Variants in CENPF observed in about 807,000 individuals in gnomAD.
The protein encoded by CENPF is centromere protein F.
CENPF carries 214 observed loss-of-function variants against 307.3 expected under a neutral mutation model. That is an observed-to-expected ratio of 0.70 (90% CI 0.62 to 0.78). The LOEUF (loss-of-function observed/expected upper bound fraction) is 0.78. Ranked by LOEUF, CENPF falls within the 30% of genes least tolerant of loss-of-function variation. CENPF has a pLI of 0.00. For synonymous variants in CENPF, 1,259 were observed against 1,270.6 expected, an observed-to-expected ratio of 0.99 and a Z score of 0.19; for missense variants, 3,401 against 3,483.9, an observed-to-expected ratio of 0.98 and a Z score of 0.60.
At chr1:214,608,312 A>G in intron 1 of CENPF, 2 of 1,588,972 alleles carry the variant, frequency 1.3e-6, no homozygotes, top group Non-Finnish European at 1.7e-6. Flanking sequence ...GGTTGCCCTC[A>G]CCTGGTGCGC....
chr1:214,646,413 T>G lies in CENPF; in HGVS notation c.6843T>G (p.Ile2281Met). 1 of 1,613,932 alleles carries G rather than the reference T, an allele frequency of 6.2e-7. No homozygotes were observed. Among genetic ancestry groups the G allele is most frequent in the South Asian group, 1.1e-5 (1 of 91,074 alleles). The change falls in exon 13 of 20, where the codon ATT (isoleucine) becomes ATG (methionine). Residue 2281 changes from isoleucine to methionine, a missense_variant. Transcript: ENST00000366955. Reference sequence around the variant, plus strand: ...CAGCCTTGTGTGGTGACCAAGAAATTATGAAGGCCACAGAACAGAGTCTAG... The same window carrying G: ...CAGCCTTGTGTGGTGACCAAGAAATGATGAAGGCCACAGAACAGAGTCTAG... ...AVAALCGDQE[I>M]MKATEQSLDP...
intron 2 of CENPF, 28 bp from the exon 3 acceptor site, chr1:214,614,803 GT>G (rs1657290997): frequency 6.9e-7 from 1 of 1,447,466 alleles, no homozygotes; most frequent in South Asian, 1.4e-5. Context: ...AAATAAGGGA[GT>G]TATTGTCTTC....
rs761921091 is a variant in CENPF, at chr1:214,657,413, T to C, written c.8962+4T>C. The C allele has an allele frequency of 3.2e-6, 5 of 1,577,622 alleles. No individual in the cohort carries two copies. In the South Asian group the frequency reaches 5.6e-5, roughly 18 times the overall value. Reference sequence around the variant, plus strand: ...CTTCCAGAAGTTGTAAAGAAAGGTATGCCTAATTTAAAGACAAAATTATTT... The same window carrying C: ...CTTCCAGAAGTTGTAAAGAAAGGTACGCCTAATTTAAAGACAAAATTATTT... On this transcript the variant is annotated splice_donor_region_variant and intron_variant, in intron 18 of 19. Coordinates refer to ENST00000366955, the MANE Select transcript of CENPF (RefSeq NM_016343.4).
chr1:214,651,612 TA>T (rs1244958666), intron 14 of CENPF, 97 bp from the exon 15 acceptor site: 3 of 832,838 alleles, frequency 3.6e-6, no homozygotes, highest in East Asian at 5.2e-5. Context: ...TGCCCATAAA[TA>T]TTTTTTTTCT....
chr1:214,644,661 T>G lies in CENPF; in HGVS notation c.5091T>G (p.Asp1697Glu), dbSNP rs753299810. The G allele has an allele frequency of 8.7e-6, 14 of 1,614,080 alleles. No individual in the cohort carries two copies. The highest frequency in any genetic ancestry group is 1.1e-5 in the South Asian group (1 of 91,070). ...ATGTTCATCAGATTTGTGATAAAGA[T>G]GCTCAGCAGGACCTCAATCTAGACA... is the stretch of plus-strand genomic sequence containing the variant. ...KHDVHQICDK[D>E]AQQDLNLDIE... Residue 1697 changes from aspartate (D) to glutamate (E), a missense_variant, in exon 13 of 20, where the codon GAT becomes GAG. Physicochemically the swap from Asp to Glu is conservative, Grantham distance 45. Transcript: ENST00000366955.
intron 1 of CENPF, chr1:214,605,472 A>T: frequency 7.9e-6 from 4 of 505,044 alleles, no homozygotes; most frequent in Non-Finnish European, 1.1e-5. Context: ...TTAAATCTTT[A>T]ATTTCTGTTT....
At chr1:214,626,654 A>T (rs1312687018) in intron 7 of CENPF, among the ~76,000 whole-genome samples, 1 of 152,144 alleles carries the variant, frequency 6.6e-6, no homozygotes, top group Non-Finnish European at 1.5e-5. Flanking sequence ...TTTTTGAGTT[A>T]TTTAATGAAC....
chr1:214,649,940 A>G (rs892096062), intron 14 of CENPF, among the ~76,000 whole-genome samples: 1 of 152,252 alleles, frequency 6.6e-6, no homozygotes, highest in Non-Finnish European at 1.5e-5. Context: ...CTATTGAACC[A>G]TACCTATCCT....
intron 1 of CENPF, chr1:214,608,964 C>G: frequency 1.0e-6 from 1 of 962,406 alleles, no homozygotes; most frequent in African/African-American, 1.8e-5. Context: ...GCCCCCCCAG[C>G]TACGGCCCCA....
intron 12 of CENPF, 95 bp from the exon 13 acceptor site, chr1:214,644,462 C>T: frequency 1.7e-6 from 2 of 1,146,850 alleles, no homozygotes; most frequent in Non-Finnish European, 2.4e-6. Flanking sequence ...TAGCAGAGGC[C>T]ACGCATCAGT....
intron 3 of CENPF, among the ~76,000 whole-genome samples, chr1:214,618,072 A>T (rs1365341768): frequency 6.6e-6 from 1 of 152,182 alleles, no homozygotes; most frequent in Non-Finnish European, 1.5e-5. Context: ...GGTGGCAGGA[A>T]GGAGAAGAAT....
At chr1:214,643,442 G>A in intron 12 of CENPF, 118 bp downstream of exon 12, 9 of 946,738 alleles carry the variant, frequency 9.5e-6, no homozygotes, top group Non-Finnish European at 1.0e-5. Context: ...TAGGGTTCAA[G>A]GAAATAAAAT....
chr1:214,605,660 C>A (rs191490984), intron 1 of CENPF: 7 of 1,562,876 alleles, frequency 4.5e-6, no homozygotes, highest in Non-Finnish European at 5.2e-6. Context: ...GAGGTCTGGC[C>A]GGTTGGTGCC....
chr1:214,646,467 G>A lies in CENPF; in HGVS notation c.6897G>A (p.Leu2299=). 7 of 1,614,128 alleles carry A rather than the reference G, an allele frequency of 4.3e-6. No homozygotes were observed. The highest frequency in any genetic ancestry group is 5.9e-6 in the Non-Finnish European group (7 of 1,180,020). The change falls in exon 13 of 20, where the codon CTG becomes CTA. Residue 2299 remains leucine (L), a synonymous_variant. Transcript: ENST00000366955. ...LDPPIEEEHQ[L]RNSIEKLRAR... is the part of the protein sequence containing the mutation. ...CACCAATAGAGGAAGAGCATCAGCT[G>A]AGAAATAGCATTGAAAAGCTGAGAG... is the stretch of plus-strand genomic sequence containing the variant.
intron 17 of CENPF, among the ~76,000 whole-genome samples, chr1:214,655,937 A>G (rs922277620): frequency 6.6e-6 from 1 of 152,218 alleles, no homozygotes; most frequent in African/African-American, 2.4e-5. Flanking sequence ...TCCATTCTAT[A>G]AAACATGGAA....
At chr1:214,628,979 C>T in intron 7 of CENPF, 67 bp from the exon 8 acceptor site, 1 of 1,265,080 alleles carries the variant, frequency 7.9e-7, no homozygotes, top group Non-Finnish European at 1.1e-6. Context: ...TTTTCTAAAA[C>T]ACAAAATATT....
intron 7 of CENPF, among the ~76,000 whole-genome samples, chr1:214,624,031 C>A (rs1405064652): frequency 7.0e-6 from 1 of 143,304 alleles, no homozygotes. Context: ...ATCGTAGATT[C>A]ATATGCAGTT....
In CENPF at chr1:214,647,269, C is replaced by A. The variant is rs765700834; in HGVS notation, c.7699C>A (p.Gln2567Lys). The change falls in exon 13 of 20, where the codon CAG (glutamine) becomes AAG (lysine). Residue 2567 changes from glutamine to lysine, a missense_variant. Transcript: ENST00000366955. ...ELRNLTVELE[Q>K]KIQVLQSKNA... ...GAGAAATCTGACAGTGGAATTGGAG[C>A]AGAAGATCCAAGTGCTACAATCCAA... 6.2e-7 allele frequency: 1 copy of A among 1,614,046 alleles called. No homozygotes were observed. Among genetic ancestry groups the A allele is most frequent in the Non-Finnish European group, 8.5e-7 (1 of 1,179,960 alleles).
chr1:214,652,126 C>T (rs988359008), intron 15 of CENPF, among the ~76,000 whole-genome samples: 4 of 146,376 alleles, frequency 2.7e-5, no homozygotes, highest in Non-Finnish European at 5.9e-5. Context: ...AGCTCCGTCT[C>T]CCAGGTTTGC....
Sources: allele counts gnomAD v4.1 joint callset (sites outside exome capture counted in the v4.1 genomes callset), GRCh38; gene constraint gnomAD v4.1.1; transcripts MANE v1.5; gene names NCBI Gene and HGNC (gene_info 2026-07-23, HGNC 2026-07-21).